GET1: variants seen among roughly 807,000 people sequenced by gnomAD.
GET1 encodes the protein congenital heart disease 5 protein.
Under a neutral mutation model 22.6 loss-of-function variants are expected in GET1, and 20 were observed. The observed-to-expected ratio is 0.89, with a 90% CI of 0.62 to 1.29. The LOEUF is 1.29. Ranked by LOEUF, GET1 falls within the 50% of genes most tolerant of loss-of-function variation. The pLI is 0.00. For synonymous variants in GET1, 92 were observed against 83.8 expected (o/e 1.10, Z -0.53); for missense variants, 209 against 219.9 (o/e 0.95, Z 0.31).
chr21:39,417,674 A>G (rs940350775), intron 1 of GET1, among the ~76,000 whole-genome samples: 1 of 152,214 alleles, frequency 6.6e-6, no homozygotes, highest in East Asian at 1.9e-4. Context: ...ATGGTTGAAG[A>G]CAAAGGAGGA....
downstream of GET1, chr21:39,410,080 C>T (rs1569064823): frequency 6.2e-7 from 1 of 1,609,534 alleles, no homozygotes; most frequent in Middle Eastern, 1.7e-4. Context: ...ATCGATGTTT[C>T]CTGTTGCCTT....
chr21:39,414,738 C>CTGTGTGTGTG (rs763309098), intron 1 of GET1, among the ~76,000 whole-genome samples: 4,377 of 106,758 alleles, frequency 0.041, 107 homozygotes, highest in Non-Finnish European at 0.049. Context: ...CTCTCTCTCT[C>CTGTGTGTGTG]TCTCTGTGTG....
intron 1 of GET1, chr21:39,428,058 T>C (rs1303852502): frequency 3.0e-6 from 2 of 674,538 alleles, no homozygotes; most frequent in Non-Finnish European, 2.7e-6. Flanking sequence ...ATAATACACA[T>C]TTACAATATG....
chr21:39,404,012 T>C (rs1358267275), intron 4 of GET1, among the ~76,000 whole-genome samples: 2 of 152,152 alleles, frequency 1.3e-5, no homozygotes, highest in Non-Finnish European at 1.5e-5. Flanking sequence ...TGCAACCTCC[T>C]CCCAGGTTCA....
chr21:39,411,919 G>C (rs1477451389), intron 1 of GET1: 4 of 594,910 alleles, frequency 6.7e-6, no homozygotes, highest in Admixed American at 3.1e-5. Flanking sequence ...GTAGATTTTA[G>C]AAGAAACAGA....
At chr21:39,414,017 G>C (rs2040577374) in intron 1 of GET1, 1 of 152,220 alleles carries the variant, frequency 6.6e-6, no homozygotes, top group African/African-American at 2.4e-5. Context: ...TGGGCACCAC[G>C]ACAGAGCTGG....
At chr21:39,408,744 G>A (rs936883324), downstream of GET1, 2 of 152,188 alleles carry the variant, frequency 1.3e-5, no homozygotes, top group Non-Finnish European at 2.9e-5. Context: ...AGCTCTCTTG[G>A]GCCTGCCCAG....
downstream of GET1, among the ~76,000 whole-genome samples, chr21:39,399,552 C>G (rs561240507): frequency 1.8e-4 from 27 of 152,126 alleles, no homozygotes; most frequent in South Asian, 1.2e-3. Context: ...TCAAGTGATT[C>G]TTCTGCCTCA....
downstream of GET1, among the ~76,000 whole-genome samples, chr21:39,407,279 C>T (rs575582446): frequency 4.9e-4 from 74 of 152,196 alleles, no homozygotes; most frequent in African/African-American, 1.7e-3. Context: ...GAACAGGACA[C>T]AATGAGAACA....
intron 1 of GET1, among the ~76,000 whole-genome samples, chr21:39,390,385 T>TA (rs2038219523): frequency 6.6e-6 from 1 of 152,148 alleles, no homozygotes; most frequent in Non-Finnish European, 1.5e-5. Context: ...AAGGGACATT[T>TA]ACCTAGGGCT....
chr21:39,385,841 C>T (rs1213314341), intron 1 of GET1, among the ~76,000 whole-genome samples: 2 of 152,148 alleles, frequency 1.3e-5, no homozygotes, highest in Non-Finnish European at 2.9e-5. Context: ...AGAGTCCACG[C>T]ATACCGCACA....
At chr21:39,392,267 T>G (rs1408358856) in intron 3 of GET1, among the ~76,000 whole-genome samples, 1 of 152,202 alleles carries the variant, frequency 6.6e-6, no homozygotes, top group Non-Finnish European at 1.5e-5. Flanking sequence ...CGACTGGAAT[T>G]GGCTTCTAGC....
At chr21:39,393,003 C>A in intron 3 of GET1, 163 bp from the exon 4 acceptor site, 1 of 577,350 alleles carries the variant, frequency 1.7e-6, no homozygotes, top group Non-Finnish European at 3.1e-6. Flanking sequence ...ACATTAGTGG[C>A]TGTGCGTGCT....
At chr21:39,383,589 A>G (rs1041717747) in intron 1 of GET1, among the ~76,000 whole-genome samples, 5 of 144,652 alleles carry the variant, frequency 3.5e-5, no homozygotes, top group Non-Finnish European at 7.7e-5. Context: ...GCTAATTTTT[A>G]TTTTTTTGAG....
At chr21:39,428,135 A>C in intron 1 of GET1, 1 of 1,202,902 alleles carries the variant, frequency 8.3e-7, no homozygotes, top group Non-Finnish European at 1.2e-6. Context: ...TCATTATGAC[A>C]GAAATTTGGT....
chr21:39,414,742 CTGTGTG>C (rs66478742), intron 1 of GET1, among the ~76,000 whole-genome samples: 70 of 99,230 alleles, frequency 7.1e-4, no homozygotes, highest in African/African-American at 1.9e-3. Context: ...CTCTCTCTCT[CTGTGTG>C]TGTGTGTGTG....
chr21:39,409,398 CAG>C (rs1177337350), downstream of GET1, among the ~76,000 whole-genome samples: 1 of 151,980 alleles, frequency 6.6e-6, no homozygotes, highest in African/African-American at 2.4e-5. This position sits in a 1 kb window ranked among gnomAD's most constrained non-coding sequence, Gnocchi z 4.2. Context: ...CATATAAAGA[CAG>C]GGAGCTGTGA....
rs533775832 is a variant in GET1 at position 39,423,140 on chromosome 21, A to G, written c.*24-5092A>G. On this transcript the variant is annotated intron_variant, in intron 1 of 1. Transcript: ENST00000478273. ...CTGTCAGTTTCTCTAAGTTTCCTAG[A>G]TAGAGTTCTTTCCTTTTCCTGGGAT... is the stretch of plus-strand genomic sequence containing the variant. 165 of 1,613,742 alleles carry G rather than the reference A, an allele frequency of 1.0e-4. 3 individuals are homozygous for G. The South Asian group carries it at 1.8e-3, about 17-fold the overall frequency.
At chr21:39,409,658 T>A (rs2039737721), downstream of GET1, among the ~76,000 whole-genome samples, 1 of 152,162 alleles carries the variant, frequency 6.6e-6, no homozygotes. This position sits in a 1 kb window ranked among gnomAD's most constrained non-coding sequence, Gnocchi z 4.2. Flanking sequence ...AGTGGCACGA[T>A]CTTGGCTCAC....
Sources: allele counts gnomAD v4.1 joint callset (sites outside exome capture counted in the v4.1 genomes callset), GRCh38; gene constraint gnomAD v4.1.1; non-coding constraint Gnocchi (gnomAD v3.1); transcripts MANE v1.5; gene names NCBI Gene and HGNC (gene_info 2026-07-23, HGNC 2026-07-21).